The following DLGAP2 variants were observed in gnomAD, a reference collection of about 807,000 sequenced individuals.
DLGAP2 encodes disks large-associated protein 2.
A neutral mutation model predicts 100.3 loss-of-function variants in DLGAP2; 26 were observed. The ratio of observed to expected loss-of-function variants is 0.26; its 90% CI spans 0.19 to 0.36. DLGAP2 has a LOEUF of 0.36. Ranked by LOEUF, DLGAP2 falls within the 10% of genes least tolerant of loss-of-function variation. The pLI, the probability that DLGAP2 is intolerant of heterozygous loss-of-function variation, is 1.00. For missense variants in DLGAP2, 1,858 were observed against 1,453.2 expected (o/e 1.28, Z -4.53); for synonymous variants, 886 against 630.1 (o/e 1.41, Z -6.08).
intron 1 of DLGAP2, among the ~76,000 whole-genome samples, chr8:799,266 G>C (rs773090819): frequency 6.6e-5 from 10 of 152,154 alleles, no homozygotes; most frequent in African/African-American, 2.4e-4. Flanking sequence ...TTTCTGAGTG[G>C]TCATGCCCAG....
At chr8:1,588,219 G>A (rs1796184234) in intron 6 of DLGAP2, among the ~76,000 whole-genome samples, 1 of 152,112 alleles carries the variant, frequency 6.6e-6, no homozygotes, top group Non-Finnish European at 1.5e-5. Context: ...AAAAATTCAT[G>A]CAAGGCTTTC....
chr8:1,128,216 C>A (rs1457174098), intron 2 of DLGAP2, among the ~76,000 whole-genome samples: 1 of 151,492 alleles, frequency 6.6e-6, no homozygotes, highest in Admixed American at 6.6e-5. Flanking sequence ...GGACCTGCTC[C>A]CCATGTTGTG....
chr8:1,417,040 C>T (rs1179190367), intron 3 of DLGAP2, among the ~76,000 whole-genome samples: 2 of 81,400 alleles, frequency 2.5e-5, no homozygotes, highest in Non-Finnish European at 5.0e-5. Flanking sequence ...TCAGCGGTCC[C>T]GCCCCACACT....
intron 8 of DLGAP2, among the ~76,000 whole-genome samples, chr8:1,655,583 G>C (rs1292017250): frequency 6.7e-6 from 1 of 150,026 alleles, no homozygotes; most frequent in African/African-American, 2.5e-5. Flanking sequence ...CAGAATTCCA[G>C]GTGTAGAAGG....
At chr8:1,678,686 A>G in intron 12 of DLGAP2, 57 bp downstream of exon 12, 1 of 1,429,380 alleles carries the variant, frequency 7.0e-7, no homozygotes, top group Non-Finnish European at 9.2e-7. Flanking sequence ...TAATGCAAAT[A>G]TGCACATCAC....
At position 1,206,964 on chromosome 8, in the gene DLGAP2, G is replaced by A. The variant is rs111329176; in HGVS notation, c.74-51887G>A. Among the ~76,000 whole-genome samples the A allele has an allele frequency of 2.8e-3, 420 of 152,174 alleles. 1 individual carries two copies. The highest frequency in any genetic ancestry group is 8.9e-3 in the African/African-American group (370 of 41,512). On this transcript the variant is annotated intron_variant, in intron 2 of 14. Transcript: ENST00000637795. ...CTCAGTGCTGAGTGGACACCGTCTC[G>A]GTGAAACTTCCTGCCCACCCTCCCA...
intron 1 of DLGAP2, among the ~76,000 whole-genome samples, chr8:882,375 G>T (rs1382663889): frequency 2.7e-5 from 4 of 148,866 alleles, no homozygotes; most frequent in Non-Finnish European, 5.9e-5. Flanking sequence ...GCGCACCCTC[G>T]CCTGATCCAG....
At chr8:800,619 T>A (rs769927717) in intron 1 of DLGAP2, among the ~76,000 whole-genome samples, 2 of 152,308 alleles carry the variant, frequency 1.3e-5, no homozygotes, top group East Asian at 3.9e-4. Context: ...TGTGTACATG[T>A]ATGTTTATAT....
At chr8:788,423 C>T (rs1275049341) in intron 1 of DLGAP2, among the ~76,000 whole-genome samples, 1 of 152,156 alleles carries the variant, frequency 6.6e-6, no homozygotes, top group African/African-American at 2.4e-5. Flanking sequence ...CTAGTTGAGG[C>T]CTTGGCGTCT....
chr8:1,323,277 G>A (rs567942223), intron 3 of DLGAP2, among the ~76,000 whole-genome samples: 6 of 152,134 alleles, frequency 3.9e-5, no homozygotes, highest in East Asian at 3.9e-4. Context: ...CAATCCACCC[G>A]CCTCAGCCTC....
rs551549155 is a variant in DLGAP2, at chr8:1,363,325, G to A, written c.106+104442G>A. On this transcript the variant is annotated intron_variant, in intron 3 of 14. Transcript: ENST00000637795. Reference sequence around the variant, plus strand: ...CTGCCTTGCAGGTCCCACGCCCGTGGCATGCTTGCGGCTGTCTCTCCTGCC... The same window carrying A: ...CTGCCTTGCAGGTCCCACGCCCGTGACATGCTTGCGGCTGTCTCTCCTGCC... 2.0e-5 allele frequency among the ~76,000 whole-genome samples: 3 copies of A among 152,304 alleles called. No individual in the cohort carries two copies. In the South Asian group the frequency reaches 6.2e-4, roughly 32 times the overall value.
intron 4 of DLGAP2, among the ~76,000 whole-genome samples, chr8:1,525,859 G>A (rs1285566203): frequency 1.3e-5 from 2 of 152,190 alleles, no homozygotes; most frequent in African/African-American, 4.8e-5. Flanking sequence ...ACGTTGGGCG[G>A]TGATGGGACC....
intron 6 of DLGAP2, among the ~76,000 whole-genome samples, chr8:1,590,195 C>T (rs1563241711): frequency 1.3e-5 from 2 of 152,316 alleles, no homozygotes; most frequent in East Asian, 3.9e-4. Context: ...CTCATCTCAA[C>T]TCATTTCGTC....
chr8:802,755 A>G lies in DLGAP2; in HGVS notation c.18+64930A>G, dbSNP rs180926455. The stretch of plus-strand genomic sequence containing the variant: ...GCCGTGGTCTCTCAGACGGTCACAC[A>G]CCACCATAACATCTAAGATCTCTTC... On this transcript the variant is annotated intron_variant, in intron 1 of 14. Coordinates refer to ENST00000637795, the MANE Select transcript of DLGAP2 (RefSeq NM_001346810.2). Among the ~76,000 whole-genome samples the G allele has an allele frequency of 6.7e-4, 102 of 152,192 alleles. 2 individuals are homozygous for G. Among genetic ancestry groups the G allele is most frequent in the Admixed American group, 6.0e-3 (91 of 15,288 alleles).
intron 2 of DLGAP2, among the ~76,000 whole-genome samples, chr8:1,130,463 G>C (rs192813713): frequency 8.5e-5 from 13 of 152,284 alleles, no homozygotes; most frequent in African/African-American, 2.6e-4. Flanking sequence ...ATGAACCGCC[G>C]TACGCTTGAG....
chr8:908,318 C>A (rs973866578), intron 2 of DLGAP2, among the ~76,000 whole-genome samples: 3 of 152,106 alleles, frequency 2.0e-5, no homozygotes, highest in African/African-American at 7.2e-5. Context: ...AGAAAATCAC[C>A]ATTCTTATTG....
At chr8:1,514,711 T>C (rs1459907963) in intron 4 of DLGAP2, among the ~76,000 whole-genome samples, 1 of 151,982 alleles carries the variant, frequency 6.6e-6, no homozygotes, top group East Asian at 1.9e-4. Context: ...ACAGAACGAG[T>C]CCCACAGTCA....
At chr8:1,444,388 A>T (rs1043027111) in intron 3 of DLGAP2, among the ~76,000 whole-genome samples, 4 of 152,246 alleles carry the variant, frequency 2.6e-5, no homozygotes, top group African/African-American at 7.2e-5. Flanking sequence ...GAAAAGGGAC[A>T]TTGTGGCTTT....
chr8:1,113,220 T>G (rs1187093562), intron 2 of DLGAP2, among the ~76,000 whole-genome samples: 2 of 152,184 alleles, frequency 1.3e-5, no homozygotes, highest in African/African-American at 2.4e-5. Flanking sequence ...TTACAATAGT[T>G]TTTTTCTAGT....
Sources: gnomAD v4.1 joint callset for allele counts (sites outside exome capture counted in the v4.1 genomes callset) on GRCh38, gnomAD v4.1.1 for gene constraint, MANE v1.5 for transcripts, NCBI Gene and HGNC (gene_info 2026-07-23, HGNC 2026-07-21) for gene names.